PDE1A: variants seen among roughly 807,000 people sequenced by gnomAD.
PDE1A encodes the protein phosphodiesterase 1A, also known as dual specificity calcium/calmodulin-dependent 3',5'-cyclic nucleotide phosphodiesterase 1A.
PDE1A carries 35 observed loss-of-function variants against 61.7 expected under a neutral mutation model. That is an observed-to-expected ratio of 0.57 (90% confidence interval 0.43 to 0.75). The LOEUF (loss-of-function observed/expected upper bound fraction) is 0.75, where lower values mean the gene tolerates loss of function less well. PDE1A is among the 30% of genes least tolerant of loss of function. PDE1A has a pLI of 0.00. For missense variants in PDE1A, 597 were observed against 630.6 expected, an observed-to-expected ratio of 0.95 and a Z score of 0.57; for synonymous variants, 232 against 213.2, an observed-to-expected ratio of 1.09 and a Z score of -0.77.
intron 2 of PDE1A, among the ~76,000 whole-genome samples, chr2:182,460,173 C>T (rs569054062): frequency 1.3e-5 from 2 of 152,192 alleles, no homozygotes; most frequent in South Asian, 2.1e-4. Context: ...TCCATCAATC[C>T]AACTATTGTT....
the PDE1A span, among the ~76,000 whole-genome samples, chr2:182,609,377 C>T: frequency 3.3e-5 from 5 of 152,356 alleles, no homozygotes; most frequent in African/African-American, 4.8e-5. Flanking sequence ...CCTGGTAACC[C>T]TCTAGAGTCC....
At chr2:182,681,473 G>A in the PDE1A span, among the ~76,000 whole-genome samples, 3 of 147,762 alleles carry the variant, frequency 2.0e-5, no homozygotes, top group Admixed American at 2.0e-4. Context: ...ATACCTATCT[G>A]GAAATTCTTT....
chr2:182,404,057 A>T (rs1007442285), intron 1 of PDE1A, among the ~76,000 whole-genome samples: 7 of 152,028 alleles, frequency 4.6e-5, no homozygotes, highest in Admixed American at 1.3e-4. Context: ...TTTTTTTTTT[A>T]AAAAAAGTCA....
chr2:182,687,903 C>A, the PDE1A span, among the ~76,000 whole-genome samples: 16 of 151,920 alleles, frequency 1.1e-4, no homozygotes, highest in Non-Finnish European at 2.2e-4. Flanking sequence ...GTAGCCGATT[C>A]GATCAACTGG....
At chr2:182,434,987 C>G (rs1461112936) in intron 2 of PDE1A, among the ~76,000 whole-genome samples, 1 of 152,040 alleles carries the variant, frequency 6.6e-6, no homozygotes, top group Non-Finnish European at 1.5e-5. Flanking sequence ...ACAAGGCTTT[C>G]TATGTCACAA....
At chr2:182,183,200 G>C (rs1018751793) in intron 13 of PDE1A, among the ~76,000 whole-genome samples, 2 of 152,144 alleles carry the variant, frequency 1.3e-5, no homozygotes, top group African/African-American at 4.8e-5. Context: ...TCCTGCTATA[G>C]TGATGTAAAG....
At position 182,442,889 on chromosome 2, in the gene PDE1A, A is replaced by T. The variant is rs532822914; in HGVS notation, c.101+79387T>A. On this transcript the variant is annotated intron_variant, in intron 2 of 14. Coordinates refer to the PDE1A transcript ENST00000410103. ...TTTGTGATGCCATATTTCAGAAGCA[A>T]GGTTAACAACTCTGGGAGAATGACA... Among the ~76,000 whole-genome samples the T allele has an allele frequency of 3.3e-5, 5 of 152,234 alleles. No homozygotes were observed. In the East Asian group the frequency reaches 9.7e-4, roughly 29 times the overall value.
chr2:182,299,929 C>A (rs1695132214), intron 1 of PDE1A, among the ~76,000 whole-genome samples: 1 of 152,144 alleles, frequency 6.6e-6, no homozygotes, highest in Non-Finnish European at 1.5e-5. Context: ...TAAACTTGAG[C>A]AGCAGCTAGC....
chr2:182,463,771 A>G (rs1686469119), intron 2 of PDE1A: 1 of 152,222 alleles, frequency 6.6e-6, no homozygotes, highest in Non-Finnish European at 1.5e-5. Context: ...TAAGGTTAAA[A>G]TAATATGCAA....
the PDE1A span, among the ~76,000 whole-genome samples, chr2:182,704,611 A>G: frequency 6.6e-6 from 1 of 152,246 alleles, no homozygotes; most frequent in Non-Finnish European, 1.5e-5. Flanking sequence ...ACTTTATTTA[A>G]AAATAATCCA....
chr2:182,445,825 G>A (rs994968650), intron 2 of PDE1A, among the ~76,000 whole-genome samples: 2 of 152,046 alleles, frequency 1.3e-5, no homozygotes, highest in Admixed American at 6.6e-5. Flanking sequence ...AACCGCACAT[G>A]CTTCCTAGAA....
intron 2 of PDE1A, among the ~76,000 whole-genome samples, chr2:182,459,935 T>C (rs1686167500): frequency 6.6e-6 from 1 of 152,184 alleles, no homozygotes. Context: ...TTTATCATAT[T>C]ATTCCACTTT....
At chr2:182,586,108 T>G in the PDE1A span, among the ~76,000 whole-genome samples, 1 of 152,194 alleles carries the variant, frequency 6.6e-6, no homozygotes, top group East Asian at 1.9e-4. Flanking sequence ...TCCCCCATCT[T>G]TCTCCTACAA....
intron 2 of PDE1A, among the ~76,000 whole-genome samples, chr2:182,515,913 G>A (rs928818512): frequency 6.6e-6 from 1 of 151,212 alleles, no homozygotes; most frequent in Non-Finnish European, 1.5e-5. Context: ...ATAGAGTGAG[G>A]CAGGGCTTCA....
intron 1 of PDE1A, among the ~76,000 whole-genome samples, chr2:182,336,698 C>T (rs572094226): frequency 6.9e-4 from 105 of 152,056 alleles, no homozygotes; most frequent in African/African-American, 2.4e-3. Flanking sequence ...AGCAAACCAC[C>T]ATGGCACGTG....
intron 1 of PDE1A, among the ~76,000 whole-genome samples, chr2:182,265,167 G>A (rs1159827386): frequency 1.3e-5 from 2 of 151,294 alleles, no homozygotes; most frequent in African/African-American, 2.4e-5. Flanking sequence ...TACACTGCTC[G>A]GGTGATGGGT....
At chr2:182,567,434 CAA>C in the PDE1A span, among the ~76,000 whole-genome samples, 1 of 152,112 alleles carries the variant, frequency 6.6e-6, no homozygotes, top group African/African-American at 2.4e-5. Context: ...GGCTTTAAAA[CAA>C]AGAGTCAAAT....
intron 13 of PDE1A, among the ~76,000 whole-genome samples, chr2:182,161,076 G>A (rs560310535): frequency 1.3e-5 from 2 of 152,282 alleles, no homozygotes; most frequent in South Asian, 4.1e-4. Flanking sequence ...AAATGATAAT[G>A]AAGTTAGTTG....
chr2:182,634,594 A>T, the PDE1A span, among the ~76,000 whole-genome samples: 50 of 152,336 alleles, frequency 3.3e-4, 1 homozygote, highest in East Asian at 6.9e-3. Context: ...GATGCTAAGG[A>T]TTGCAGGTGT....
Sources: allele counts gnomAD v4.1 joint callset (sites outside exome capture counted in the v4.1 genomes callset), GRCh38; gene constraint gnomAD v4.1.1; transcripts MANE v1.5; gene names NCBI Gene and HGNC (gene_info 2026-07-23, HGNC 2026-07-21).